PDE4D: variants seen among roughly 807,000 people sequenced by gnomAD.
The protein encoded by PDE4D is phosphodiesterase 4D.
Under a neutral mutation model 87.4 loss-of-function variants are expected in PDE4D, and 24 were observed. That is an observed-to-expected ratio of 0.27 (90% CI 0.20 to 0.39). The LOEUF (loss-of-function observed/expected upper bound fraction) is 0.39. PDE4D is among the 10% of genes least tolerant of loss of function. PDE4D has a pLI of 1.00. For missense variants in PDE4D, 714 were observed against 1,041.0 expected (o/e 0.69, Z 4.32); for synonymous variants, 384 against 383.2 (o/e 1.00, Z -0.02).
intron 2 of PDE4D, among the ~76,000 whole-genome samples, chr5:60,115,529 T>C (rs1778092753): frequency 6.6e-6 from 1 of 152,160 alleles, no homozygotes; most frequent in Admixed American, 6.6e-5. Context: ...CAAAGAACTA[T>C]ATGTTCACTA....
rs565757073 is a variant in PDE4D at position 59,768,147 on chromosome 5, A to G, written c.455+125021T>C. 40 of 1,398,518 alleles carry G rather than the reference A, an allele frequency of 2.9e-5. No homozygotes were observed. The South Asian group carries it at 5.1e-4, about 18-fold the overall frequency. The allele number at this position is 1,398,518 out of a possible 1,614,324, so 86.6% of individuals were successfully genotyped here. On this transcript the variant is annotated intron_variant, in intron 1 of 14. Transcript: ENST00000340635. ...GGCCATAAATCCCCGGTGAGGAATG[A>G]TGATGGTCCTCCCTCCCTACCCCCA...
intron 1 of PDE4D, among the ~76,000 whole-genome samples, chr5:60,254,741 T>A (rs1163189269): frequency 6.6e-6 from 1 of 151,884 alleles, no homozygotes; most frequent in Non-Finnish European, 1.5e-5. Flanking sequence ...ATTAAGCCAG[T>A]AATAAAATGT....
At chr5:59,014,228 C>A (rs534389743) in intron 6 of PDE4D, among the ~76,000 whole-genome samples, 6 of 152,208 alleles carry the variant, frequency 3.9e-5, no homozygotes, top group South Asian at 2.1e-4. Flanking sequence ...TCCCTTTGAA[C>A]ACTGGCACAA....
chr5:59,720,047 CTCCCT>C (rs1755605742), intron 1 of PDE4D, among the ~76,000 whole-genome samples: 1 of 152,188 alleles, frequency 6.6e-6, no homozygotes, highest in Non-Finnish European at 1.5e-5. Context: ...TATGTTTATT[CTCCCT>C]TCTGAAGCTG....
chr5:60,385,706 C>G (rs146858972), intron 1 of PDE4D, among the ~76,000 whole-genome samples: 1 of 152,316 alleles, frequency 6.6e-6, no homozygotes, highest in African/African-American at 2.4e-5. Flanking sequence ...AACCTACTAA[C>G]GGTCCCCAAG....
At chr5:59,071,578 C>T (rs1764805272) in intron 5 of PDE4D, among the ~76,000 whole-genome samples, 3 of 133,818 alleles carry the variant, frequency 2.2e-5, no homozygotes, top group South Asian at 2.7e-4. Flanking sequence ...GCTTTTGTTT[C>T]GTGGAAGCAA....
At chr5:59,616,315 G>A (rs1418384951) in intron 1 of PDE4D, among the ~76,000 whole-genome samples, 1 of 152,094 alleles carries the variant, frequency 6.6e-6, no homozygotes, top group Admixed American at 6.5e-5. Flanking sequence ...ATTTACACTA[G>A]GTTGATTCTT....
At chr5:60,237,466 G>A (rs903274357) in intron 1 of PDE4D, among the ~76,000 whole-genome samples, 4 of 151,990 alleles carry the variant, frequency 2.6e-5, no homozygotes, top group African/African-American at 4.8e-5. Flanking sequence ...CAGCTTGGAG[G>A]ATCTCAAGGA....
At chr5:59,312,348 C>T (rs900705501) in intron 1 of PDE4D, among the ~76,000 whole-genome samples, 2 of 152,188 alleles carry the variant, frequency 1.3e-5, no homozygotes, top group African/African-American at 4.8e-5. Flanking sequence ...AATCCACTGT[C>T]GAAATGACTT....
chr5:60,476,393 C>T (rs190788536), intron 1 of PDE4D, among the ~76,000 whole-genome samples: 2 of 152,232 alleles, frequency 1.3e-5, no homozygotes, highest in African/African-American at 4.8e-5. Flanking sequence ...CATCCTCTCA[C>T]AATCTCCACT....
upstream of PDE4D, among the ~76,000 whole-genome samples, chr5:59,898,299 C>A (rs1229905966): frequency 2.0e-5 from 3 of 152,174 alleles, no homozygotes; most frequent in Non-Finnish European, 4.4e-5. Context: ...TGTGCTAATT[C>A]TCAGGACGAC....
intron 6 of PDE4D, among the ~76,000 whole-genome samples, chr5:59,003,642 T>C (rs144896934): frequency 2.0e-5 from 3 of 152,288 alleles, no homozygotes; most frequent in Non-Finnish European, 4.4e-5. Flanking sequence ...AATAAATACA[T>C]AATACGTCAT....
chr5:59,688,388 T>C (rs1038040424), intron 1 of PDE4D, among the ~76,000 whole-genome samples: 1 of 152,148 alleles, frequency 6.6e-6, no homozygotes, highest in African/African-American at 2.4e-5. Context: ...CACAGTGCAA[T>C]CAAACTAGAA....
chr5:59,270,039 CATG>C (rs532021599), intron 1 of PDE4D, among the ~76,000 whole-genome samples: 96 of 152,214 alleles, frequency 6.3e-4, no homozygotes, highest in African/African-American at 2.3e-3. Context: ...TCTCATACTT[CATG>C]ACTTTAAAGA....
rs577831793 is a variant in PDE4D, at chr5:59,406,548, G to A, written c.456-190580C>T. ...TGGGATTACAGGCACGTGCCACCAC[G>A]CTGGCTAATTCTTGTATTTTTAGTA... On this transcript the variant is annotated intron_variant, in intron 1 of 14. Coordinates refer to ENST00000340635, the MANE Select transcript of PDE4D (RefSeq NM_001104631.2). 2.0e-4 allele frequency among the ~76,000 whole-genome samples: 31 copies of A among 151,938 alleles called. 1 individual carries two copies. Among genetic ancestry groups the A allele is most frequent in the South Asian group, 1.0e-3 (5 of 4,808 alleles).
intron 2 of PDE4D, among the ~76,000 whole-genome samples, chr5:60,058,013 C>G (rs1770970150): frequency 6.6e-6 from 1 of 151,834 alleles, no homozygotes; most frequent in African/African-American, 2.4e-5. Context: ...TTTATTGATT[C>G]TGGATGCTCT....
intron 5 of PDE4D, among the ~76,000 whole-genome samples, chr5:59,082,576 C>T (rs1766958715): frequency 6.6e-6 from 1 of 151,868 alleles, no homozygotes; most frequent in Admixed American, 6.6e-5. Context: ...TGATCCTATT[C>T]ATAATAGTAA....
At chr5:59,400,918 A>T (rs1285046723) in intron 1 of PDE4D, among the ~76,000 whole-genome samples, 1 of 152,150 alleles carries the variant, frequency 6.6e-6, no homozygotes, top group Non-Finnish European at 1.5e-5. Context: ...ATAAATATGC[A>T]TGTATGCATA....
intron 1 of PDE4D, among the ~76,000 whole-genome samples, chr5:60,475,489 T>C (rs1748236885): frequency 6.6e-6 from 1 of 152,142 alleles, no homozygotes; most frequent in Admixed American, 6.6e-5. Flanking sequence ...ACACAGGAAG[T>C]CATCCTATGA....
Sources: allele counts gnomAD v4.1 joint callset (sites outside exome capture counted in the v4.1 genomes callset), GRCh38; gene constraint gnomAD v4.1.1; transcripts MANE v1.5; gene names NCBI Gene and HGNC (gene_info 2026-07-23, HGNC 2026-07-21).